The following PLXDC2 variants were observed in gnomAD, a reference collection of about 807,000 sequenced individuals.
PLXDC2 encodes the protein plexin domain containing 2.
PLXDC2 carries 40 observed loss-of-function variants against 68.9 expected under a neutral mutation model. The observed-to-expected ratio is 0.58, with a 90% CI of 0.45 to 0.76. The LOEUF (loss-of-function observed/expected upper bound fraction) is 0.76, where lower values mean the gene tolerates loss of function less well. PLXDC2 is among the 30% of genes least tolerant of loss of function. The probability of loss-of-function intolerance (pLI) is 0.00; values close to 1 mark genes in which losing one functional copy is unlikely to be tolerated. For synonymous variants in PLXDC2, 243 were observed against 234.2 expected, an observed-to-expected ratio of 1.04 and a Z score of -0.34; for missense variants, 644 against 661.9, an observed-to-expected ratio of 0.97 and a Z score of 0.30.
intron 2 of PLXDC2, among the ~76,000 whole-genome samples, chr10:20,025,764 A>G (rs566158911): frequency 1.9e-4 from 29 of 152,144 alleles, no homozygotes; most frequent in African/African-American, 6.3e-4. Context: ...ATTCAACAGT[A>G]AGTTCCTTAT....
At chr10:20,034,405 A>G (rs1214199671) in intron 2 of PLXDC2, among the ~76,000 whole-genome samples, 1 of 152,156 alleles carries the variant, frequency 6.6e-6, no homozygotes, top group African/African-American at 2.4e-5. Context: ...ATTAATGTTC[A>G]AATTAATTTA....
chr10:20,140,159 G>T (rs1833983135), intron 4 of PLXDC2, among the ~76,000 whole-genome samples: 1 of 151,964 alleles, frequency 6.6e-6, no homozygotes, highest in South Asian at 2.1e-4. Context: ...AATTAGCCGG[G>T]CGTGGTGGAG....
intron 4 of PLXDC2, among the ~76,000 whole-genome samples, chr10:20,079,782 A>C (rs761925576): frequency 2.0e-5 from 3 of 152,066 alleles, no homozygotes; most frequent in Non-Finnish European, 2.9e-5. Context: ...GGGGCCCGTC[A>C]GGGGGTAGGG....
chr10:20,058,194 G>A (rs1836034396), intron 3 of PLXDC2, among the ~76,000 whole-genome samples: 1 of 152,112 alleles, frequency 6.6e-6, no homozygotes, highest in African/African-American at 2.4e-5. Flanking sequence ...GTGATATTTT[G>A]TTACATGCAT....
chr10:20,135,159 A>C (rs561394369), intron 4 of PLXDC2, among the ~76,000 whole-genome samples: 2 of 152,338 alleles, frequency 1.3e-5, no homozygotes, highest in South Asian at 4.1e-4. Flanking sequence ...GGAAACTCCT[A>C]TTCTGCCATA....
At chr10:20,124,121 C>T (rs1303766418) in intron 4 of PLXDC2, among the ~76,000 whole-genome samples, 1 of 152,038 alleles carries the variant, frequency 6.6e-6, no homozygotes, top group Non-Finnish European at 1.5e-5. Flanking sequence ...GGCAGGTGTC[C>T]CTGCATGGTC....
intron 1 of PLXDC2, among the ~76,000 whole-genome samples, chr10:19,899,155 C>T (rs568083752): frequency 1.3e-5 from 2 of 152,258 alleles, no homozygotes; most frequent in Non-Finnish European, 1.5e-5. Context: ...ATGTGGTTTT[C>T]GTTTTCATCT....
intron 4 of PLXDC2, among the ~76,000 whole-genome samples, chr10:20,069,898 A>T (rs1434665704): frequency 6.6e-6 from 1 of 152,196 alleles, no homozygotes; most frequent in African/African-American, 2.4e-5. Flanking sequence ...TCCAGGGATG[A>T]TATAACTGAG....
intron 1 of PLXDC2, among the ~76,000 whole-genome samples, chr10:19,897,227 C>CTTTTTTTTTTTTT (rs558204823): frequency 1.4e-5 from 2 of 139,972 alleles, no homozygotes; most frequent in Admixed American, 7.1e-5. Flanking sequence ...ATTCCCTTCT[C>CTTTTTTTTTTTTT]TTTTTTTTTT....
chr10:20,189,426 A>G (rs1356405865), intron 9 of PLXDC2, among the ~76,000 whole-genome samples: 1 of 146,962 alleles, frequency 6.8e-6, no homozygotes, highest in Non-Finnish European at 1.5e-5. Context: ...ATTGTGTATA[A>G]TAAAACCATC....
At chr10:19,901,564 A>C (rs752330437) in intron 1 of PLXDC2, among the ~76,000 whole-genome samples, 1 of 151,976 alleles carries the variant, frequency 6.6e-6, no homozygotes, top group Non-Finnish European at 1.5e-5. Context: ...TTCTTTGTAG[A>C]TTCTGGATAT....
At chr10:19,990,302 T>C (rs368154823) in intron 1 of PLXDC2, among the ~76,000 whole-genome samples, 141 of 152,312 alleles carry the variant, frequency 9.3e-4, no homozygotes, top group African/African-American at 3.3e-3. Flanking sequence ...TGAAAGACAT[T>C]GTTTTTCAAT....
At chr10:20,079,905 C>T (rs1836520857) in intron 4 of PLXDC2, among the ~76,000 whole-genome samples, 3 of 152,018 alleles carry the variant, frequency 2.0e-5, no homozygotes, top group Non-Finnish European at 4.4e-5. Context: ...ACCTATGTAA[C>T]AAACCTGCAC....
At chr10:20,068,148 T>C (rs769765370) in intron 3 of PLXDC2, 22 bp from the exon 4 acceptor site, 42 of 1,594,880 alleles carry the variant, frequency 2.6e-5, no homozygotes, top group Middle Eastern at 1.7e-4. Flanking sequence ...TTGATTTTTT[T>C]CTCTGGTGTT....
intron 4 of PLXDC2, among the ~76,000 whole-genome samples, chr10:20,127,124 G>C (rs1474767909): frequency 6.6e-6 from 1 of 152,004 alleles, no homozygotes; most frequent in Non-Finnish European, 1.5e-5. Flanking sequence ...CTCTCGATTT[G>C]GGAATGTTGG....
chr10:19,975,477 T>TAAAA (rs1834437981), intron 1 of PLXDC2, among the ~76,000 whole-genome samples: 1 of 151,580 alleles, frequency 6.6e-6, no homozygotes, highest in Non-Finnish European at 1.5e-5. Flanking sequence ...AATAAATAAT[T>TAAAA]AAAAATAAAT....
intron 1 of PLXDC2, among the ~76,000 whole-genome samples, chr10:19,938,876 A>G (rs189966057): frequency 4.4e-4 from 67 of 152,288 alleles, no homozygotes; most frequent in South Asian, 8.3e-4. Context: ...CAGAAACCAA[A>G]CAATCTGTAA....
At chr10:20,240,314 T>C (rs1386336356) in intron 12 of PLXDC2, among the ~76,000 whole-genome samples, 1 of 152,214 alleles carries the variant, frequency 6.6e-6, no homozygotes, top group Non-Finnish European at 1.5e-5. Context: ...ATGGACAACA[T>C]TTTCTTGATC....
intron 1 of PLXDC2, among the ~76,000 whole-genome samples, chr10:19,821,159 A>G (rs1426927795): frequency 6.6e-6 from 1 of 152,190 alleles, no homozygotes; most frequent in Non-Finnish European, 1.5e-5. Flanking sequence ...ACATTAATAC[A>G]GTCTCTTCTC....
Sources: allele counts gnomAD v4.1 joint callset (sites outside exome capture counted in the v4.1 genomes callset), GRCh38; gene constraint gnomAD v4.1.1; transcripts MANE v1.5; gene names NCBI Gene and HGNC (gene_info 2026-07-23, HGNC 2026-07-21).